SLC41A1: variants seen among roughly 807,000 people sequenced by gnomAD.
SLC41A1 encodes solute carrier family 41 (magnesium transporter), member 1.
SLC41A1 carries 20 observed loss-of-function variants against 47.3 expected under a neutral mutation model. The observed-to-expected ratio is 0.42, with a 90% CI of 0.30 to 0.61. The LOEUF is 0.61. Ranked by LOEUF, SLC41A1 falls within the 20% of genes least tolerant of loss-of-function variation. The pLI is 0.17. For synonymous variants in SLC41A1, 282 were observed against 272.7 expected (o/e 1.03, Z -0.34); for missense variants, 504 against 674.1 (o/e 0.75, Z 2.79).
At chr1:205,796,887 C>T (rs1336711073) in intron 8 of SLC41A1, 37 bp downstream of exon 8, 1 of 1,597,730 alleles carries the variant, frequency 6.3e-7, no homozygotes, top group Non-Finnish European at 8.5e-7. Context: ...TTCCTTCCCC[C>T]AGCCCTGCCC....
At chr1:205,806,735 C>T (rs2102509687) in intron 2 of SLC41A1, among the ~76,000 whole-genome samples, 1 of 152,334 alleles carries the variant, frequency 6.6e-6, no homozygotes, top group African/African-American at 2.4e-5. Flanking sequence ...CTACTTTGGG[C>T]CAGCACCAGC....
chr1:205,794,980 C>T lies in SLC41A1; in HGVS notation c.1246G>A (p.Val416Met), dbSNP rs369862450. The change falls in exon 10 of 11, where the codon GTG becomes ATG. Residue 416 changes from valine to methionine, a missense_variant. Coordinates refer to ENST00000367137, the MANE Select transcript of SLC41A1 (RefSeq NM_173854.6). ...SRSARVLFLL[V>M]VPGHLVFLYT... Reference sequence around the variant, plus strand: ...AGGAACACCAGGTGTCCTGGGACCACGAGGAGGAAGAGGACCCGGGCTGAG... The same window carrying T: ...AGGAACACCAGGTGTCCTGGGACCATGAGGAGGAAGAGGACCCGGGCTGAG... 65 of 1,613,710 alleles carry T rather than the reference C, an allele frequency of 4.0e-5. No individual in the cohort carries two copies. Among genetic ancestry groups the T allele is most frequent in the South Asian group, 6.6e-5 (6 of 91,068 alleles).
chr1:205,795,675 T>C, intron 8 of SLC41A1, 197 bp from the exon 9 acceptor site: 1 of 666,408 alleles, frequency 1.5e-6, no homozygotes, highest in Middle Eastern at 4.0e-4. Context: ...AGACCCCTGC[T>C]TCCAGTGCAT....
intron 8 of SLC41A1, chr1:205,796,097 T>C (rs1354095287): frequency 6.1e-6 from 1 of 163,168 alleles, no homozygotes; most frequent in East Asian, 1.8e-4. Context: ...ACAGACTGCA[T>C]TACCCAGTCT....
rs1332308134 is a variant in SLC41A1 at position 205,791,885 on chromosome 1, C to G, written c.1357-167G>C. ...GCAACCTCTCTGTGTTTCTCCACCC[C>G]ACAATTACCACTTTGAGCAGACAAC... On this transcript the variant is annotated intron_variant, in intron 10 of 10. Transcript: ENST00000367137. This position sits in a 1 kb window ranked among gnomAD's most constrained non-coding sequence, Gnocchi z 4.0. 3.3e-5 allele frequency among the ~76,000 whole-genome samples: 5 copies of G among 152,206 alleles called. No homozygotes were observed. The highest frequency in any genetic ancestry group is 2.0e-4 in the Admixed American group (3 of 15,290).
In SLC41A1 at chr1:205,791,374, C is replaced by A; in HGVS notation, c.*159G>T. The stretch of plus-strand genomic sequence containing the variant: ...CCAAATTCTTGCTATACAAACTTGG[C>A]TCAATGTATAAAAATTCCCATTGAA... On this transcript the variant is annotated 3_prime_UTR_variant, in exon 11 of 11. Transcript: ENST00000367137. The surrounding 1 kb of genome is among the most constrained non-coding windows in gnomAD (Gnocchi z 4.0). 1 of 920,298 alleles carries A rather than the reference C, an allele frequency of 1.1e-6. No homozygotes were observed. Among genetic ancestry groups the A allele is most frequent in the South Asian group, 1.5e-5 (1 of 67,472 alleles). 57.0% of individuals were successfully genotyped at this position (920,298 alleles called of 1,614,324 possible).
At chr1:205,792,932 CCTCT>C (rs914498953) in intron 10 of SLC41A1, among the ~76,000 whole-genome samples, 25 of 150,050 alleles carry the variant, frequency 1.7e-4, no homozygotes, top group Middle Eastern at 3.4e-3. Context: ...GCTCTCCTGT[CCTCT>C]CTCTTTTTTT....
Position 205,801,035 on chromosome 1 carries a change from G to C in SLC41A1, c.398C>G (p.Thr133Arg). Residue 133 changes from threonine to arginine, a missense_variant, in exon 3 of 11, where the codon ACA (threonine) becomes AGA (arginine). Around this residue, in one of 2 missense-constraint regions of SLC41A1, gnomAD observed 421 missense variants for 601.6 expected, o/e 0.70. Coordinates refer to ENST00000367137, the MANE Select transcript of SLC41A1 (RefSeq NM_173854.6). ...CGCAGGCACTAGGATGAAGACCTCT[G>C]TCACCTTCTGGAAGACTTCCCAGTG... ...VQHWEVFQKV[T>R]EVFILVPALL... 1 of 1,614,182 alleles carries C rather than the reference G, an allele frequency of 6.2e-7. No individual in the cohort carries two copies. The highest frequency in any genetic ancestry group is 8.5e-7 in the Non-Finnish European group (1 of 1,180,008).
At chr1:205,812,698 C>T in intron 1 of SLC41A1, 110 bp downstream of exon 1, 1 of 972,036 alleles carries the variant, frequency 1.0e-6, no homozygotes, top group Non-Finnish European at 1.2e-6. Flanking sequence ...GAGAAAGTAA[C>T]TGGGTGGCCT....
At chr1:205,809,986 G>C in intron 2 of SLC41A1, 84 bp downstream of exon 2, 1 of 1,582,708 alleles carries the variant, frequency 6.3e-7, no homozygotes, top group Non-Finnish European at 8.6e-7. Flanking sequence ...TTCTGACAGG[G>C]AGGTAGAGAG....
At chr1:205,801,123 C>T (rs1655868190) in intron 2 of SLC41A1, 63 bp from the exon 3 acceptor site, 1 of 1,354,602 alleles carries the variant, frequency 7.4e-7, no homozygotes, top group Non-Finnish European at 1.1e-6. Flanking sequence ...TGAGGTTCAA[C>T]AGGTAGTCTG....
intron 2 of SLC41A1, among the ~76,000 whole-genome samples, chr1:205,803,304 A>G (rs1655933035): frequency 6.6e-6 from 1 of 152,204 alleles, no homozygotes; most frequent in Admixed American, 6.5e-5. Context: ...TGATCCAGCA[A>G]TCCCACTTCT....
chr1:205,798,627 C>T, intron 6 of SLC41A1, 42 bp downstream of exon 6: 1 of 1,614,100 alleles, frequency 6.2e-7, no homozygotes, highest in Middle Eastern at 1.7e-4. Flanking sequence ...TCTCTCCCAA[C>T]CCCACCCAGG....
In SLC41A1 at chr1:205,799,029, A is replaced by T. The variant is rs1469539911; in HGVS notation, c.625T>A (p.Phe209Ile). 2 of 1,613,702 alleles carry T rather than the reference A, an allele frequency of 1.2e-6. No homozygotes were observed. The highest frequency in any genetic ancestry group is 1.7e-6 in the Non-Finnish European group (2 of 1,180,028). ...AGCAGGAAGGCGTGCGGAATACTGAAGTGGCCATCAGGGATCCAGCCAAAG... is the reference window on the plus strand; with the variant it reads ...AGCAGGAAGGCGTGCGGAATACTGATGTGGCCATCAGGGATCCAGCCAAAG... Reference protein sequence around the residue: ...VVFGWIPDGHFSIPHAFLLCA... With the variant: ...VVFGWIPDGHISIPHAFLLCA... Residue 209 changes from phenylalanine to isoleucine, a missense_variant, in exon 5 of 11, where the codon TTC (phenylalanine) becomes ATC (isoleucine). Physicochemically the swap from Phe to Ile is conservative, Grantham distance 21. This residue lies in a region of SLC41A1 where 421 missense variants were observed against 601.6 expected (regional missense o/e 0.70). Coordinates refer to ENST00000367137, the MANE Select transcript of SLC41A1 (RefSeq NM_173854.6).
chr1:205,794,215 A>G (rs1038927456), intron 10 of SLC41A1, among the ~76,000 whole-genome samples: 1 of 152,200 alleles, frequency 6.6e-6, no homozygotes, highest in South Asian at 2.1e-4. Flanking sequence ...CATCAATGCT[A>G]ATTTCCTGAT....
intron 2 of SLC41A1, 138 bp from the exon 3 acceptor site, chr1:205,801,198 A>G (rs1190074140): frequency 1.4e-6 from 1 of 702,166 alleles, no homozygotes; most frequent in Non-Finnish European, 2.5e-6. Context: ...CCTTTCCTCC[A>G]AGAACCTTGG....
chr1:205,791,811 G>C lies in SLC41A1; in HGVS notation c.1357-93C>G. 1 of 1,478,260 alleles carries C rather than the reference G, an allele frequency of 6.8e-7. No individual in the cohort carries two copies. Among genetic ancestry groups the C allele is most frequent in the Non-Finnish European group, 9.3e-7 (1 of 1,077,538 alleles). The allele number at this position is 1,478,260 out of a possible 1,614,324, so 91.6% of individuals were successfully genotyped here. A position where few individuals can be genotyped will look rare whatever the true frequency, so the allele number is the denominator to read the frequency against. On this transcript the variant is annotated intron_variant, in intron 10 of 10. Transcript: ENST00000367137. The surrounding 1 kb of genome is among the most constrained non-coding windows in gnomAD (Gnocchi z 4.0). ...TCAGACCCATTCAGTGCATCACAGG[G>C]CTTGGCTGGCCATAATCCTTACTTT...
rs534269645 is a variant in SLC41A1 at position 205,813,010 on chromosome 1, G to T, written c.-849C>A. The T allele has an allele frequency of 7.1e-6, 7 of 985,550 alleles. No individual in the cohort carries two copies. Among genetic ancestry groups the T allele is most frequent in the South Asian group, 9.4e-5 (2 of 21,290 alleles). 61.1% of individuals were successfully genotyped at this position (985,550 alleles called of 1,614,324 possible). A position where few individuals can be genotyped will look rare whatever the true frequency, so the allele number is the denominator to read the frequency against. ...CTACATTTCGCTTCTGCGTTACAGC[G>T]AGGCCGCCGCTCCGCTTCCACGCGG... On this transcript the variant is annotated 5_prime_UTR_variant, in exon 1 of 11. Transcript: ENST00000367137.
chr1:205,811,279 C>A (rs1449663027), intron 1 of SLC41A1, among the ~76,000 whole-genome samples, 192 bp from the exon 2 acceptor site: 1 of 152,174 alleles, frequency 6.6e-6, no homozygotes, highest in African/African-American at 2.4e-5. Flanking sequence ...CAGGAGCTAT[C>A]CCCGCCATCC....
Sources: gnomAD v4.1 joint callset for allele counts (sites outside exome capture counted in the v4.1 genomes callset) on GRCh38, gnomAD v4.1.1 for gene constraint, gnomAD v4.1.1 regional missense constraint, Gnocchi (gnomAD v3.1) non-coding constraint, MANE v1.5 for transcripts, NCBI Gene and HGNC (gene_info 2026-07-23, HGNC 2026-07-21) for gene names.